Variants in COX14 observed in about 807,000 individuals in gnomAD.
COX14 encodes cytochrome c oxidase assembly protein COX14.
Under a neutral mutation model 5.8 loss-of-function variants are expected in COX14, and 3 were observed. The ratio of observed to expected loss-of-function variants is 0.51; its 90% CI spans 0.23 to 1.33. COX14 has a LOEUF of 1.33. COX14 is among the 40% of genes most tolerant of loss of function. The pLI is 0.18. For missense variants in COX14, 72 were observed against 72.1 expected (o/e 1.00, Z 0.01); for synonymous variants, 25 against 26.1 (o/e 0.96, Z 0.13).
chr12:50,116,804 A>G (rs1439537252), intron 1 of COX14, among the ~76,000 whole-genome samples: 1 of 152,178 alleles, frequency 6.6e-6, no homozygotes, highest in Non-Finnish European at 1.5e-5. Flanking sequence ...TGTGTCACTT[A>G]GTATTCTTCC....
chr12:50,112,941 ATG>A (rs1951041623), intron 1 of COX14: 2 of 151,542 alleles, frequency 1.3e-5, no homozygotes, highest in African/African-American at 2.4e-5. Flanking sequence ...ATGTTATGTT[ATG>A]TTATTTTGAG....
intron 1 of COX14, among the ~76,000 whole-genome samples, chr12:50,113,321 T>TTTA (rs1951047536): frequency 7.0e-6 from 1 of 141,966 alleles, no homozygotes; most frequent in African/African-American, 2.6e-5. Flanking sequence ...TTTTTTTTTT[T>TTTA]GAGACGGAGT....
intron 1 of COX14, among the ~76,000 whole-genome samples, chr12:50,113,953 T>C (rs1043736572): frequency 1.3e-5 from 2 of 151,762 alleles, no homozygotes; most frequent in Admixed American, 1.3e-4. Context: ...TTATCATTAT[T>C]ATTATTATTT....
chr12:50,119,831 AT>A (rs1951114281), intron 1 of COX14, among the ~76,000 whole-genome samples: 1 of 152,132 alleles, frequency 6.6e-6, no homozygotes, highest in African/African-American at 2.4e-5. Flanking sequence ...TTGTAGGCAC[AT>A]TTTATTTGCC....
At position 50,120,221 on chromosome 12, in the gene COX14, T is replaced by TG. The variant is rs752118264; in HGVS notation, c.*10dup. 1.9e-6 allele frequency: 3 copies of TG among 1,612,190 alleles called. No individual in the cohort carries two copies. Among genetic ancestry groups the TG allele is most frequent in the African/African-American group, 1.3e-5 (1 of 74,874 alleles). On this transcript the variant is annotated 3_prime_UTR_variant, in exon 2 of 2. Transcript: ENST00000550487. Reference sequence around the variant, plus strand: ...GAAGACCTCAGGAATCATGTAGAACTGGGGGGCTTTTTCTCCTGAGCAGAG... The same window carrying TG: ...GAAGACCTCAGGAATCATGTAGAACTGGGGGGGCTTTTTCTCCTGAGCAGAG...
chr12:50,112,560 C>A, intron 1 of COX14: 1 of 794,144 alleles, frequency 1.3e-6, no homozygotes, highest in Non-Finnish European at 1.5e-6. Context: ...GGCGTCTCGA[C>A]CCTCCACGCT....
chr12:50,118,788 A>C (rs1421010597), intron 1 of COX14, among the ~76,000 whole-genome samples: 2 of 152,122 alleles, frequency 1.3e-5, no homozygotes, highest in African/African-American at 4.8e-5. Flanking sequence ...CTATATATCT[A>C]TATATGTATT....
rs1236215030 is a variant in COX14 at position 50,113,554 on chromosome 12, C to T, written c.-9+1253C>T. ...TCCTGACCTCGTGATCCACCCGCCT[C>T]GGCCTCCCAAAGTGCTGGGATTACA... is the stretch of plus-strand genomic sequence containing the variant. On this transcript the variant is annotated intron_variant, in intron 1 of 1. Transcript: ENST00000550487. 4.6e-5 allele frequency among the ~76,000 whole-genome samples: 7 copies of T among 152,048 alleles called. No homozygotes were observed. The East Asian group carries it at 5.8e-4, about 13-fold the overall frequency.
At chr12:50,114,606 C>T (rs932324268) in intron 1 of COX14, among the ~76,000 whole-genome samples, 2 of 151,828 alleles carry the variant, frequency 1.3e-5, no homozygotes, top group African/African-American at 4.8e-5. Flanking sequence ...TGAACTGTTG[C>T]TCCCTTGGCC....
rs1327118388 is a variant in COX14 at position 50,120,021 on chromosome 12, A to C, written c.-8-15A>C. On this transcript the variant is annotated splice_polypyrimidine_tract_variant and intron_variant, in intron 1 of 1. Coordinates refer to ENST00000550487, the MANE Select transcript of COX14 (RefSeq NM_032901.4). ...AGGCCTTATCCTCAGGTCTAAATTCAATCTGTCTTTGTAGGGGACAAGATG... is the reference window on the plus strand; with the variant it reads ...AGGCCTTATCCTCAGGTCTAAATTCCATCTGTCTTTGTAGGGGACAAGATG... The C allele has an allele frequency of 1.2e-6, 2 of 1,611,284 alleles. No homozygotes were observed. The highest frequency in any genetic ancestry group is 3.3e-5 in the Admixed American group (2 of 59,974).
intron 1 of COX14, among the ~76,000 whole-genome samples, chr12:50,113,688 A>G (rs11169273): frequency 0.024 from 3,647 of 150,094 alleles, 147 homozygotes; most frequent in African/African-American, 0.084. Flanking sequence ...GCTGGAGTAC[A>G]GTGGCGCGAT....
chr12:50,116,848 G>A (rs1047850207), intron 1 of COX14, among the ~76,000 whole-genome samples: 4 of 152,066 alleles, frequency 2.6e-5, no homozygotes, highest in African/African-American at 9.7e-5. Flanking sequence ...TCCATAGTGG[G>A]ATTATATTTC....
intron 1 of COX14, among the ~76,000 whole-genome samples, chr12:50,117,874 G>C (rs916668513): frequency 2.6e-5 from 4 of 151,854 alleles, no homozygotes; most frequent in Non-Finnish European, 5.9e-5. Flanking sequence ...CTCCTGAGTA[G>C]CTGGGACTAC....
chr12:50,120,373 G>T lies in COX14; in HGVS notation c.*156G>T. ...ATGGTTTCTCTGGTTCTGCCAGTTT[G>T]ACAGTTTATGGAGGCTTTTGAATCG... On this transcript the variant is annotated 3_prime_UTR_variant, in exon 2 of 2. Transcript: ENST00000550487. 1.6e-6 allele frequency: 1 copy of T among 635,348 alleles called. No individual in the cohort carries two copies. Among genetic ancestry groups the T allele is most frequent in the South Asian group, 2.2e-5 (1 of 46,348 alleles). 39.4% of individuals were successfully genotyped at this position (635,348 alleles called of 1,614,324 possible). A position where few individuals can be genotyped will look rare whatever the true frequency, so the allele number is the denominator to read the frequency against.
intron 1 of COX14, 177 bp downstream of exon 1, chr12:50,112,478 C>T: frequency 5.1e-6 from 5 of 985,910 alleles, no homozygotes; most frequent in Non-Finnish European, 6.0e-6. Flanking sequence ...TGCCCAAGCC[C>T]AAGCTCCTCG....
chr12:50,115,371 T>A (rs1274084380), intron 1 of COX14, among the ~76,000 whole-genome samples: 1 of 150,156 alleles, frequency 6.7e-6, no homozygotes, highest in African/African-American at 2.5e-5. Flanking sequence ...CCCGCCACCA[T>A]GCCCGGCTAA....
chr12:50,113,030 T>TTTTG (rs1555188883), intron 1 of COX14: 9 of 150,750 alleles, frequency 6.0e-5, no homozygotes, highest in African/African-American at 2.2e-4. Flanking sequence ...AGGTTTTTTT[T>TTTTG]TTGTTGTTGT....
rs762095754 is a variant in COX14, at chr12:50,120,263, G to A, written c.*46G>A. 2.6e-6 allele frequency: 4 copies of A among 1,521,694 alleles called. No homozygotes were observed. Among genetic ancestry groups the A allele is most frequent in the African/African-American group, 1.4e-5 (1 of 72,316 alleles). 94.3% of individuals were successfully genotyped at this position (1,521,694 alleles called of 1,614,324 possible). A position where few individuals can be genotyped will look rare whatever the true frequency, so the allele number is the denominator to read the frequency against. On this transcript the variant is annotated 3_prime_UTR_variant, in exon 2 of 2. Coordinates refer to ENST00000550487, the MANE Select transcript of COX14 (RefSeq NM_032901.4). The stretch of plus-strand genomic sequence containing the variant: ...TGAGCAGAGAGGCCCAAGGCATGCT[G>A]TGGAGAGACTTCACCTGCCACCATT...
intron 1 of COX14, among the ~76,000 whole-genome samples, chr12:50,116,558 A>C (rs1245289537): frequency 2.0e-5 from 3 of 152,204 alleles, no homozygotes; most frequent in South Asian, 4.1e-4. Flanking sequence ...GAATGCTTCC[A>C]GCTCTTTTCC....
Sources: allele counts gnomAD v4.1 joint callset (sites outside exome capture counted in the v4.1 genomes callset), GRCh38; gene constraint gnomAD v4.1.1; transcripts MANE v1.5; gene names NCBI Gene and HGNC (gene_info 2026-07-23, HGNC 2026-07-21).